DACH1: variants seen among roughly 807,000 people sequenced by gnomAD.
DACH1 encodes dachshund homolog 1.
A neutral mutation model predicts 54.2 loss-of-function variants in DACH1; 12 were observed. The ratio of observed to expected loss-of-function variants is 0.22; its 90% CI spans 0.14 to 0.36. The LOEUF (loss-of-function observed/expected upper bound fraction) is 0.36. Among genes scored for constraint, DACH1 ranks in the 10% least tolerant of loss-of-function variants. The pLI is 1.00. For missense variants in DACH1, 805 were observed against 929.8 expected (o/e 0.87, Z 1.75); for synonymous variants, 386 against 366.2 (o/e 1.05, Z -0.62).
intron 2 of DACH1, among the ~76,000 whole-genome samples, chr13:71,680,596 T>A (rs1880841228): frequency 6.6e-6 from 1 of 152,174 alleles, no homozygotes; most frequent in Admixed American, 6.5e-5. Context: ...AGAGGGAGAC[T>A]CTTTGTCTTA....
intron 10 of DACH1, among the ~76,000 whole-genome samples, chr13:71,470,536 C>T (rs1593744780): frequency 1.3e-5 from 2 of 152,010 alleles, no homozygotes; most frequent in Admixed American, 6.6e-5. Flanking sequence ...ACTATGTTGG[C>T]CAGGCTGGTC....
At chr13:71,493,810 A>T (rs1202465121) in intron 6 of DACH1, among the ~76,000 whole-genome samples, 1 of 152,104 alleles carries the variant, frequency 6.6e-6, no homozygotes, top group Non-Finnish European at 1.5e-5. Flanking sequence ...ACAATGTATC[A>T]GTTTGGAGTT....
At chr13:71,588,375 AAAAC>A (rs1246927758) in intron 3 of DACH1, among the ~76,000 whole-genome samples, 1 of 152,128 alleles carries the variant, frequency 6.6e-6, no homozygotes, top group East Asian at 1.9e-4. Flanking sequence ...ATTACTAATA[AAAAC>A]AAAGTTTGAC....
At chr13:71,588,854 C>T (rs1234626244) in intron 3 of DACH1, among the ~76,000 whole-genome samples, 1 of 151,838 alleles carries the variant, frequency 6.6e-6, no homozygotes, top group Non-Finnish European at 1.5e-5. Context: ...CTGCCAAAAG[C>T]AATCCATAAA....
intron 2 of DACH1, among the ~76,000 whole-genome samples, chr13:71,666,079 T>G (rs900427459): frequency 2.0e-5 from 3 of 152,284 alleles, no homozygotes; most frequent in Admixed American, 6.5e-5. Context: ...GGAATCATAT[T>G]TAATTTAACA....
At position 71,805,056 on chromosome 13, in the gene DACH1, A is replaced by T. The variant is rs535332779; in HGVS notation, c.848+60866T>A. 7.2e-5 allele frequency among the ~76,000 whole-genome samples: 11 copies of T among 152,282 alleles called. No homozygotes were observed. The Middle Eastern group carries it at 0.01, about 141-fold the overall frequency. ...AATTTTAAAATTTAGCTCTTCAATT[A>T]TACTTGCCACATTTCAAGTGCTCAA... On this transcript the variant is annotated intron_variant, in intron 1 of 10. Transcript: ENST00000613252.
chr13:71,865,903 G>C lies in DACH1; in HGVS notation c.848+19C>G. The C allele has an allele frequency of 6.3e-7, 1 of 1,575,416 alleles. No individual in the cohort carries two copies. On this transcript the variant is annotated intron_variant, in intron 1 of 10. Coordinates refer to ENST00000613252, the MANE Select transcript of DACH1 (RefSeq NM_080759.6). ...GTGGGAAGGGGCGCGGGCGGCGGGG[G>C]CTATCCCCCCCGACTCACCTTGCGT...
intron 2 of DACH1, among the ~76,000 whole-genome samples, chr13:71,676,091 T>A (rs910173176): frequency 1.2e-4 from 18 of 152,214 alleles, no homozygotes; most frequent in African/African-American, 4.3e-4. Context: ...TATGTTTAAT[T>A]TATTAGTGAA....
intron 1 of DACH1, among the ~76,000 whole-genome samples, chr13:71,790,926 A>G (rs1322831808): frequency 6.6e-6 from 1 of 152,246 alleles, no homozygotes; most frequent in African/African-American, 2.4e-5. Flanking sequence ...ATTGAAGTAT[A>G]GGCTAAATGA....
intron 1 of DACH1, among the ~76,000 whole-genome samples, chr13:71,747,593 A>T (rs1884652648): frequency 6.6e-6 from 1 of 152,110 alleles, no homozygotes; most frequent in Admixed American, 6.5e-5. Flanking sequence ...TGCCAGAAAA[A>T]AGAAAATCAG....
chr13:71,452,535 C>G (rs1305072814), intron 10 of DACH1, among the ~76,000 whole-genome samples: 5 of 152,018 alleles, frequency 3.3e-5, no homozygotes, highest in Non-Finnish European at 5.9e-5. Context: ...AAAGATTTAC[C>G]CTTTCTACTA....
chr13:71,635,670 A>G lies in DACH1; in HGVS notation c.965-4953T>C, dbSNP rs118145683. 9.1e-3 allele frequency among the ~76,000 whole-genome samples: 1,382 copies of G among 152,190 alleles called. 9 individuals carry two copies. The highest frequency in any genetic ancestry group is 0.034 in the Middle Eastern group (10 of 294). ...CTTTTCCTTCCTTTCTTCACTTATC[A>G]TAGATCTTCTCCCCTGTCTTCAGAT... On this transcript the variant is annotated intron_variant, in intron 2 of 10. Coordinates refer to ENST00000613252, the MANE Select transcript of DACH1 (RefSeq NM_080759.6).
intron 7 of DACH1, among the ~76,000 whole-genome samples, chr13:71,488,253 C>T (rs985553228): frequency 6.6e-6 from 1 of 152,114 alleles, no homozygotes; most frequent in African/African-American, 2.4e-5. Context: ...CACTAGCTAC[C>T]CAAATATGGA....
intron 7 of DACH1, among the ~76,000 whole-genome samples, chr13:71,481,169 G>T (rs745943634): frequency 6.6e-6 from 1 of 152,152 alleles, no homozygotes; most frequent in East Asian, 1.9e-4. Context: ...TGCTCTGATT[G>T]CTCTTGTTGA....
intron 2 of DACH1, among the ~76,000 whole-genome samples, chr13:71,676,220 CA>C (rs1880557990): frequency 6.6e-6 from 1 of 151,838 alleles, no homozygotes; most frequent in South Asian, 2.1e-4. Flanking sequence ...ATACAAGGCA[CA>C]ATTTTTTTTT....
chr13:71,553,027 C>A (rs1483027085), intron 6 of DACH1, among the ~76,000 whole-genome samples: 8 of 147,336 alleles, frequency 5.4e-5, no homozygotes, highest in Non-Finnish European at 9.0e-5. Flanking sequence ...ACTAAAAATA[C>A]AAAAATTAGC....
chr13:71,825,406 A>G (rs1888340969), intron 1 of DACH1, among the ~76,000 whole-genome samples: 1 of 152,080 alleles, frequency 6.6e-6, no homozygotes, highest in Non-Finnish European at 1.5e-5. Flanking sequence ...ACCAAGTTCA[A>G]TTTTATAATA....
At chr13:71,666,630 G>C (rs1408147147) in intron 2 of DACH1, among the ~76,000 whole-genome samples, 1 of 152,014 alleles carries the variant, frequency 6.6e-6, no homozygotes, top group South Asian at 2.1e-4. Context: ...AATATGTCCA[G>C]AGAATAAAGA....
At chr13:71,592,978 T>C (rs1873843065) in intron 3 of DACH1, among the ~76,000 whole-genome samples, 1 of 152,014 alleles carries the variant, frequency 6.6e-6, no homozygotes, top group Admixed American at 6.6e-5. Context: ...TAAAAGCACA[T>C]GTAATTGTTA....
Sources: allele counts gnomAD v4.1 joint callset (sites outside exome capture counted in the v4.1 genomes callset), GRCh38; gene constraint gnomAD v4.1.1; transcripts MANE v1.5; gene names NCBI Gene and HGNC (gene_info 2026-07-23, HGNC 2026-07-21).